NSD2: variants seen among roughly 807,000 people sequenced by gnomAD.
NSD2 encodes the protein histone-lysine N-methyltransferase NSD2.
A neutral mutation model predicts 139.0 loss-of-function variants in NSD2; 12 were observed. The ratio of observed to expected loss-of-function variants is 0.09; its 90% CI spans 0.06 to 0.14. The LOEUF (loss-of-function observed/expected upper bound fraction) is 0.14. Among genes scored for constraint, NSD2 ranks in the 10% least tolerant of loss-of-function variants. NSD2 has a pLI of 1.00. For synonymous variants in NSD2, 669 were observed against 648.7 expected (o/e 1.03, Z -0.48); for missense variants, 1,155 against 1,745.0 (o/e 0.66, Z 6.02).
intron 1 of NSD2, among the ~76,000 whole-genome samples, chr4:1,891,197 G>A (rs933840589): frequency 1.3e-5 from 2 of 152,154 alleles, no homozygotes; most frequent in African/African-American, 4.8e-5. Flanking sequence ...CCCCGCCTAC[G>A]TGGAATTGTT....
chr4:1,965,214 A>G (rs1725766647), intron 18 of NSD2, among the ~76,000 whole-genome samples: 1 of 152,188 alleles, frequency 6.6e-6, no homozygotes, highest in Non-Finnish European at 1.5e-5. Flanking sequence ...TGAGAAAACT[A>G]AAGGAAAACC....
intron 8 of NSD2, 142 bp from the exon 9 acceptor site, chr4:1,939,512 A>G: frequency 9.2e-6 from 8 of 872,478 alleles, no homozygotes; most frequent in Admixed American, 5.2e-5. Context: ...AGATTTTTCC[A>G]TGATAGAAAG....
At chr4:1,928,451 G>A (rs144151161) in intron 5 of NSD2, among the ~76,000 whole-genome samples, 3 of 152,288 alleles carry the variant, frequency 2.0e-5, no homozygotes, top group Non-Finnish European at 4.4e-5. Context: ...GTGAGCATGC[G>A]CTTTTGTGTT....
chr4:1,943,576 G>C (rs1723318612), intron 9 of NSD2: 2 of 1,050,510 alleles, frequency 1.9e-6, no homozygotes, highest in Non-Finnish European at 2.3e-6. Context: ...GCTTTAGGGT[G>C]CTGGACTGTA....
Position 1,978,933 on chromosome 4 carries a change from T to C in NSD2, c.*24T>C. The C allele has an allele frequency of 6.8e-7, 1 of 1,475,194 alleles. No individual in the cohort carries two copies. The highest frequency in any genetic ancestry group is 9.0e-7 in the Non-Finnish European group (1 of 1,110,170). The allele number at this position is 1,475,194 out of a possible 1,614,324, so 91.4% of individuals were successfully genotyped here. ...AGCGCCAGGCGGCCGCTTGGCCGGA[T>C]CCAGGGGCGGTGCAGGGCGGCCGGC... On this transcript the variant is annotated 3_prime_UTR_variant, in exon 22 of 22. Coordinates refer to ENST00000508803, the MANE Select transcript of NSD2 (RefSeq NM_001042424.3).
intron 9 of NSD2, chr4:1,941,786 G>A (rs1723125176): frequency 9.5e-7 from 1 of 1,049,862 alleles, no homozygotes. Flanking sequence ...GAATTATGCT[G>A]TTAAAACTAC....
Position 1,981,774 on chromosome 4 carries a change from G to GT in NSD2, c.*2869dup, listed in dbSNP as rs1727787476. ...TACCTTATTTTCCAGAATTAAACCT[G>GT]TTTTATAATTCAAGTTAATGCAAAT... On this transcript the variant is annotated 3_prime_UTR_variant, in exon 22 of 22. Transcript: ENST00000508803. The GT allele has an allele frequency of 2.5e-6, 1 of 398,378 alleles. No individual in the cohort carries two copies. Among genetic ancestry groups the GT allele is most frequent in the East Asian group, 3.6e-5 (1 of 28,086 alleles). 24.7% of individuals were successfully genotyped at this position (398,378 alleles called of 1,614,324 possible).
intron 1 of NSD2, among the ~76,000 whole-genome samples, chr4:1,883,797 T>C (rs1309440063): frequency 1.3e-5 from 2 of 152,150 alleles, no homozygotes; most frequent in East Asian, 1.9e-4. Context: ...GTGCTCAGCA[T>C]GTGTGAGCTG....
rs577757212 is a variant in NSD2, at chr4:1,898,457, G to A, written c.-29-2169G>A. On this transcript the variant is annotated intron_variant, in intron 1 of 21. Coordinates refer to ENST00000508803, the MANE Select transcript of NSD2 (RefSeq NM_001042424.3). ...AGGCGGGCGGATCACGAAGTCAGGA[G>A]ATCGAGACCATCCTGGGTAACACGG... Among the ~76,000 whole-genome samples the A allele has an allele frequency of 2.6e-5, 4 of 152,230 alleles. No individual in the cohort carries two copies. In the East Asian group the frequency reaches 7.8e-4, roughly 30 times the overall value.
intron 15 of NSD2, among the ~76,000 whole-genome samples, 198 bp from the exon 16 acceptor site, chr4:1,957,735 G>C (rs1227017671): frequency 6.6e-6 from 1 of 152,088 alleles, no homozygotes; most frequent in Non-Finnish European, 1.5e-5. Flanking sequence ...GCTGTTCTCT[G>C]AGCACTCCTT....
At chr4:1,921,781 CAAAAAAAAAA>C (rs748895885) in intron 5 of NSD2, among the ~76,000 whole-genome samples, 3 of 64,984 alleles carry the variant, frequency 4.6e-5, no homozygotes, top group Admixed American at 1.8e-4. Flanking sequence ...GACTCTGTCT[CAAAAAAAAAA>C]AAAAAAAAAG....
intron 3 of NSD2, among the ~76,000 whole-genome samples, chr4:1,908,289 A>C (rs74432689): frequency 3.3e-4 from 51 of 152,384 alleles, no homozygotes; most frequent in African/African-American, 1.1e-3. Context: ...TTGGCCCTTT[A>C]CTAAAGATCT....
chr4:1,943,901 C>T (rs1415088206), intron 9 of NSD2: 6 of 1,063,632 alleles, frequency 5.6e-6, no homozygotes, highest in African/African-American at 1.6e-5. Context: ...GGCCAGCCAG[C>T]TAGCCCATAA....
chr4:1,886,341 G>C (rs1009808149), intron 1 of NSD2, among the ~76,000 whole-genome samples: 2 of 152,116 alleles, frequency 1.3e-5, no homozygotes, highest in Admixed American at 6.6e-5. Flanking sequence ...TGAATAGCTG[G>C]TATTACAGGT....
At chr4:1,915,940 C>G (rs1248240849) in intron 3 of NSD2, among the ~76,000 whole-genome samples, 5 of 152,126 alleles carry the variant, frequency 3.3e-5, no homozygotes, top group Admixed American at 3.3e-4. Flanking sequence ...TACCTGTATT[C>G]ACCTTCTCAT....
intron 18 of NSD2, among the ~76,000 whole-genome samples, chr4:1,966,199 G>A (rs1725866173): frequency 6.6e-6 from 1 of 152,228 alleles, no homozygotes; most frequent in Admixed American, 6.5e-5. Context: ...GTCAAGAGAG[G>A]TAATGGAGAG....
At chr4:1,922,839 T>C (rs1236966594) in intron 5 of NSD2, among the ~76,000 whole-genome samples, 2 of 152,320 alleles carry the variant, frequency 1.3e-5, no homozygotes, top group African/African-American at 4.8e-5. Flanking sequence ...GGCTGGAGAA[T>C]TGCTTGAACC....
chr4:1,934,655 C>G (rs1722088344), intron 6 of NSD2, among the ~76,000 whole-genome samples: 1 of 148,936 alleles, frequency 6.7e-6, no homozygotes, highest in Non-Finnish European at 1.5e-5. Flanking sequence ...CGAGACCAGC[C>G]TGACCAACAT....
intron 1 of NSD2, among the ~76,000 whole-genome samples, chr4:1,888,974 T>C (rs1374958417): frequency 6.6e-6 from 1 of 150,852 alleles, no homozygotes; most frequent in African/African-American, 2.4e-5. Flanking sequence ...CTCGGCTCAC[T>C]TGAACCTCCA....
Sources: gnomAD v4.1 joint callset for allele counts (sites outside exome capture counted in the v4.1 genomes callset) on GRCh38, gnomAD v4.1.1 for gene constraint, MANE v1.5 for transcripts, NCBI Gene and HGNC (gene_info 2026-07-23, HGNC 2026-07-21) for gene names.